CREB5: variants seen among roughly 807,000 people sequenced by gnomAD.
CREB5 encodes the protein cyclic AMP-responsive element-binding protein 5.
CREB5 carries 19 observed loss-of-function variants against 57.1 expected under a neutral mutation model. The ratio of observed to expected loss-of-function variants is 0.33; its 90% CI spans 0.23 to 0.49. The LOEUF (loss-of-function observed/expected upper bound fraction) is 0.49, where lower values mean the gene tolerates loss of function less well. CREB5 is among the 20% of genes least tolerant of loss of function. The pLI is 0.99. For synonymous variants in CREB5, 238 were observed against 238.3 expected, an observed-to-expected ratio of 1.00 and a Z score of 0.01; for missense variants, 579 against 671.6, an observed-to-expected ratio of 0.86 and a Z score of 1.52.
chr7:28,302,016 T>C (rs992855582), intron 1 of CREB5, among the ~76,000 whole-genome samples: 2 of 152,174 alleles, frequency 1.3e-5, no homozygotes, highest in African/African-American at 2.4e-5. Flanking sequence ...AATAAGCAAT[T>C]GGGTTGGAAA....
intron 5 of CREB5, among the ~76,000 whole-genome samples, chr7:28,707,534 A>G (rs2128741357): frequency 6.6e-6 from 1 of 152,350 alleles, no homozygotes; most frequent in Non-Finnish European, 1.5e-5. Flanking sequence ...AGTCAGCGTT[A>G]TCTCTATCAT....
At chr7:28,789,853 T>C (rs770680574) in intron 7 of CREB5, among the ~76,000 whole-genome samples, 2 of 152,068 alleles carry the variant, frequency 1.3e-5, no homozygotes, top group Non-Finnish European at 2.9e-5. Flanking sequence ...CAAAAATAGA[T>C]CAAAATTTTA....
At chr7:28,435,381 ATTTTTTTTTT>A (rs34815040) in intron 1 of CREB5, among the ~76,000 whole-genome samples, 1 of 103,516 alleles carries the variant, frequency 9.7e-6, no homozygotes, top group Non-Finnish European at 1.9e-5. Flanking sequence ...TTTCCCTTCC[ATTTTTTTTTT>A]TTTTTTTTTT....
chr7:28,516,993 C>A lies in CREB5; in HGVS notation c.291+9256C>A, dbSNP rs1026030524. Among the ~76,000 whole-genome samples the A allele has an allele frequency of 2.0e-5, 3 of 152,274 alleles. No individual in the cohort carries two copies. The South Asian group carries it at 6.2e-4, about 32-fold the overall frequency. ...CAGAGGAAGCTCACGCTGTCCTCCG[C>A]GAGGCCCTGCATTAATACTCCCAAA... On this transcript the variant is annotated intron_variant, in intron 4 of 10. Transcript: ENST00000357727.
chr7:28,378,772 C>T (rs1452930516), intron 1 of CREB5, among the ~76,000 whole-genome samples: 2 of 152,218 alleles, frequency 1.3e-5, no homozygotes, highest in Non-Finnish European at 2.9e-5. Context: ...AAGTAGTCAA[C>T]ATTCCTTGGG....
chr7:28,365,197 T>C (rs1477851445), intron 1 of CREB5, among the ~76,000 whole-genome samples: 2 of 152,208 alleles, frequency 1.3e-5, no homozygotes, highest in African/African-American at 2.4e-5. Flanking sequence ...TCTATTAATG[T>C]CATTGCAATA....
At position 28,474,020 on chromosome 7, in the gene CREB5, C is replaced by T. The variant is rs181498269; in HGVS notation, c.4-14155C>T. ...TGTTTGATTTTGCTTTCTTTTCTTA[C>T]CTTACTCCACTGACTCTCCTGTTTC... On this transcript the variant is annotated intron_variant, in intron 1 of 10. Transcript: ENST00000357727. Among the ~76,000 whole-genome samples the T allele has an allele frequency of 3.2e-3, 487 of 152,268 alleles. 3 individuals are homozygous for T. Among genetic ancestry groups the T allele is most frequent in the Non-Finnish European group, 3.5e-3 (238 of 68,014 alleles).
At chr7:28,682,152 C>T (rs1309270311) in intron 5 of CREB5, among the ~76,000 whole-genome samples, 2 of 152,308 alleles carry the variant, frequency 1.3e-5, no homozygotes, top group East Asian at 1.9e-4. Context: ...ATAGGAGGTG[C>T]AGTAGTTACA....
At chr7:28,641,185 T>A (rs940694821) in intron 5 of CREB5, among the ~76,000 whole-genome samples, 3 of 152,064 alleles carry the variant, frequency 2.0e-5, no homozygotes, top group Non-Finnish European at 4.4e-5. Flanking sequence ...AGAGGATGAT[T>A]TGGCCCAGGT....
intron 7 of CREB5, among the ~76,000 whole-genome samples, chr7:28,725,589 T>A (rs1327788637): frequency 1.4e-5 from 2 of 142,478 alleles, no homozygotes; most frequent in Non-Finnish European, 3.0e-5. Flanking sequence ...GCTGGCAGAA[T>A]AAAGTTCAAA....
intron 1 of CREB5, among the ~76,000 whole-genome samples, chr7:28,302,034 T>G (rs768751437): frequency 2.0e-5 from 3 of 152,182 alleles, no homozygotes; most frequent in Admixed American, 1.3e-4. Flanking sequence ...AAATTGAAAT[T>G]CGTTAAAATA....
chr7:28,417,476 A>G (rs1466850093), intron 1 of CREB5, among the ~76,000 whole-genome samples: 2 of 151,968 alleles, frequency 1.3e-5, no homozygotes, highest in Non-Finnish European at 2.9e-5. Context: ...TGACTATGGT[A>G]TCAGACAACA....
At chr7:28,735,235 T>G (rs1029254304) in intron 7 of CREB5, among the ~76,000 whole-genome samples, 13 of 152,224 alleles carry the variant, frequency 8.5e-5, no homozygotes, top group African/African-American at 2.9e-4. Context: ...TTATACAACT[T>G]ATGTGATACA....
intron 1 of CREB5, among the ~76,000 whole-genome samples, chr7:28,457,162 C>T (rs1790130798): frequency 1.3e-5 from 2 of 152,088 alleles, no homozygotes; most frequent in African/African-American, 2.4e-5. Flanking sequence ...GTGATAATAC[C>T]ATTAATTCAT....
intron 5 of CREB5, among the ~76,000 whole-genome samples, chr7:28,678,357 C>A (rs535836798): frequency 6.6e-6 from 1 of 152,080 alleles, no homozygotes; most frequent in African/African-American, 2.4e-5. Context: ...CACTACACTC[C>A]AGCCTGGGCG....
At chr7:28,475,942 C>T (rs572499488) in intron 1 of CREB5, among the ~76,000 whole-genome samples, 54 of 152,344 alleles carry the variant, frequency 3.5e-4, no homozygotes, top group African/African-American at 1.0e-3. Context: ...AGCCAAACTT[C>T]ACCCCAGAGT....
At chr7:28,804,061 G>A (rs575580684) in intron 7 of CREB5, 138 bp from the exon 8 acceptor site, 41 of 762,320 alleles carry the variant, frequency 5.4e-5, no homozygotes, top group South Asian at 1.3e-4. Flanking sequence ...CTGGTAGCAA[G>A]ATAGCTACTG....
chr7:28,332,528 C>T (rs1358324562), intron 1 of CREB5, among the ~76,000 whole-genome samples: 1 of 152,140 alleles, frequency 6.6e-6, no homozygotes, highest in African/African-American at 2.4e-5. Flanking sequence ...GCTGCCTCCC[C>T]TGCTACATAC....
chr7:28,443,056 G>A (rs1032414393), intron 1 of CREB5, among the ~76,000 whole-genome samples: 2 of 152,290 alleles, frequency 1.3e-5, no homozygotes, highest in African/African-American at 2.4e-5. Flanking sequence ...GTAAAGTCAA[G>A]AACTGTGAAG....
Sources: allele counts gnomAD v4.1 joint callset (sites outside exome capture counted in the v4.1 genomes callset), GRCh38; gene constraint gnomAD v4.1.1; transcripts MANE v1.5; gene names NCBI Gene and HGNC (gene_info 2026-07-23, HGNC 2026-07-21).